Variants in TMEM165 observed in about 807,000 individuals in gnomAD.
The protein encoded by TMEM165 is transmembrane protein 165, also known as putative divalent cation/proton antiporter TMEM165.
TMEM165 carries 19 observed loss-of-function variants against 30.0 expected under a neutral mutation model. The ratio of observed to expected loss-of-function variants is 0.63; its 90% confidence interval spans 0.44 to 0.93. The LOEUF is 0.93. TMEM165 is among the 40% of genes least tolerant of loss of function. The pLI is 0.00. For missense variants in TMEM165, 340 were observed against 417.0 expected (o/e 0.82, Z 1.61); for synonymous variants, 168 against 162.9 (o/e 1.03, Z -0.24).
chr4:55,417,284 A>T (rs1170854705), intron 3 of TMEM165, 37 bp downstream of exon 3: 2 of 1,589,668 alleles, frequency 1.3e-6, no homozygotes, highest in Non-Finnish European at 1.7e-6. Context: ...CCAAAAAGGC[A>T]CTCAACTAGG....
In TMEM165 at chr4:55,426,152, T is replaced by TAA. The variant is rs1348293193; in HGVS notation, c.*702_*703dup. 2.0e-5 allele frequency: 3 copies of TAA among 152,180 alleles called. No individual in the cohort carries two copies. Among genetic ancestry groups the TAA allele is most frequent in the Non-Finnish European group, 4.4e-5 (3 of 68,018 alleles). The allele number at this position is 152,180 out of a possible 1,614,324, so 9.4% of individuals were successfully genotyped here. A position where few individuals can be genotyped will look rare whatever the true frequency, so the allele number is the denominator to read the frequency against. On this transcript the variant is annotated 3_prime_UTR_variant, in exon 6 of 6. Transcript: ENST00000381334. ...AAACAATGTAACATAGATAACAATA[T>TAA]AAATAAAAGTGGTATGACCAGTGCT...
At chr4:55,409,287 A>G (rs996489607) in intron 1 of TMEM165, among the ~76,000 whole-genome samples, 2 of 152,156 alleles carry the variant, frequency 1.3e-5, no homozygotes, top group Non-Finnish European at 2.9e-5. Context: ...TCTTTATGTT[A>G]TGTGTTAAGG....
At position 55,450,261 on chromosome 4, in the gene TMEM165, T is replaced by C. The variant is rs750308800; in HGVS notation, c.409-1978T>C. 2.5e-6 allele frequency: 4 copies of C among 1,613,534 alleles called. No individual in the cohort carries two copies. In the Admixed American group the frequency reaches 6.7e-5, roughly 27 times the overall value. On this transcript the variant is annotated intron_variant, in intron 3 of 3. Transcript: ENST00000608091. ...TGGAGACAGAGTAAAATAAATGTTT[T>C]CTTGTGGTTCAGTTCAGAGATCTCA...
intron 1 of TMEM165, among the ~76,000 whole-genome samples, chr4:55,408,707 T>C (rs185197960): frequency 1.1e-4 from 16 of 152,328 alleles, no homozygotes; most frequent in Non-Finnish European, 1.8e-4. Context: ...TGGCTGGGAA[T>C]TATAAAACCA....
At chr4:55,421,209 A>C (rs1306980184) in intron 4 of TMEM165, among the ~76,000 whole-genome samples, 1 of 150,472 alleles carries the variant, frequency 6.6e-6, no homozygotes, top group Non-Finnish European at 1.5e-5. Flanking sequence ...TATACAAATA[A>C]AGACTGGAAA....
intron 1 of TMEM165, among the ~76,000 whole-genome samples, chr4:55,402,252 AAT>A (rs1206938483): frequency 1.8e-5 from 2 of 114,170 alleles, no homozygotes; most frequent in Non-Finnish European, 3.6e-5. Context: ...TATAAATTCT[AAT>A]ATAAATTAAC....
At chr4:55,428,572 AT>A (rs1722330395), downstream of TMEM165, 1 of 152,194 alleles carries the variant, frequency 6.6e-6, no homozygotes, top group Non-Finnish European at 1.5e-5. Flanking sequence ...GGGTATTCTT[AT>A]CTCAAGATCA....
chr4:55,396,217 C>A lies in TMEM165; in HGVS notation c.28C>A (p.Arg10Ser), dbSNP rs777311596. The A allele has an allele frequency of 2.1e-5, 31 of 1,455,036 alleles. No homozygotes were observed. Among genetic ancestry groups the A allele is most frequent in the Non-Finnish European group, 2.6e-5 (29 of 1,107,484 alleles). The allele number at this position is 1,455,036 out of a possible 1,614,324, so 90.1% of individuals were successfully genotyped here. Residue 10 changes from arginine (R) to serine (S), a missense_variant, in exon 1 of 6, where the codon CGC becomes AGC. Transcript: ENST00000381334. ...GGCGGCCGCGGCTCCAGGGAACGGCCGCGCATCGGCGCCCCGGCTGCTTCT... is the reference window on the plus strand; with the variant it reads ...GGCGGCCGCGGCTCCAGGGAACGGCAGCGCATCGGCGCCCCGGCTGCTTCT... MAAAAPGNG[R>S]ASAPRLLLLF...
At chr4:55,402,795 CTT>C (rs71194554) in intron 1 of TMEM165, among the ~76,000 whole-genome samples, 6 of 71,396 alleles carry the variant, frequency 8.4e-5, no homozygotes, top group Admixed American at 2.0e-4. Flanking sequence ...TTAAAAAAAG[CTT>C]TTTTTTTTTT....
chr4:55,444,526 G>T, intron 3 of TMEM165: 1 of 1,321,884 alleles, frequency 7.6e-7, no homozygotes, highest in East Asian at 2.3e-5. Context: ...GAACTGAATT[G>T]ATAAAACGTA....
chr4:55,418,562 C>CACT (rs968697965), intron 4 of TMEM165, among the ~76,000 whole-genome samples: 3 of 151,272 alleles, frequency 2.0e-5, no homozygotes, highest in African/African-American at 7.3e-5. Context: ...TCATGTGTTA[C>CACT]ACTAAAGAAA....
At chr4:55,445,053 A>T (rs982718982) in intron 3 of TMEM165, among the ~76,000 whole-genome samples, 1 of 136,430 alleles carries the variant, frequency 7.3e-6, no homozygotes, top group Non-Finnish European at 1.6e-5. Context: ...AAAGTGCTCA[A>T]CTCCTGGTTC....
chr4:55,433,834 T>TAA (rs1304846949), intron 3 of TMEM165: 6 of 152,222 alleles, frequency 3.9e-5, no homozygotes, highest in Non-Finnish European at 8.8e-5. Context: ...GCATGTGAGT[T>TAA]ACAATATTCT....
At chr4:55,441,031 CT>C (rs1445471630) in intron 3 of TMEM165, among the ~76,000 whole-genome samples, 2 of 152,196 alleles carry the variant, frequency 1.3e-5, no homozygotes, top group African/African-American at 4.8e-5. Context: ...CTAAAGACCT[CT>C]GAAGTATTCA....
chr4:55,450,745 G>C (rs1724363379), intron 3 of TMEM165, among the ~76,000 whole-genome samples: 1 of 149,800 alleles, frequency 6.7e-6, no homozygotes, highest in African/African-American at 2.4e-5. Flanking sequence ...TTCCAGCCTG[G>C]GCAAAAGAGC....
intron 4 of TMEM165, among the ~76,000 whole-genome samples, chr4:55,422,488 C>T (rs1722022109): frequency 6.6e-6 from 1 of 152,086 alleles, no homozygotes; most frequent in African/African-American, 2.4e-5. Context: ...AAACTCCCAA[C>T]CTCAGGTGAT....
chr4:55,426,894 A>G (rs140982358), downstream of TMEM165, among the ~76,000 whole-genome samples: 80 of 152,336 alleles, frequency 5.3e-4, no homozygotes, highest in African/African-American at 1.8e-3. Flanking sequence ...AAAAAAGGTC[A>G]TATTTGTAGT....
intron 5 of TMEM165, 123 bp downstream of exon 5, chr4:55,424,766 T>C: frequency 1.5e-6 from 1 of 648,444 alleles, no homozygotes; most frequent in Non-Finnish European, 2.6e-6. Context: ...TTACCTACCA[T>C]CTCTTATAGA....
chr4:55,428,971 ATCT>A (rs1044278601), downstream of TMEM165: 11 of 120,552 alleles, frequency 9.1e-5, no homozygotes, highest in African/African-American at 2.8e-4. Context: ...TGGCTGACAC[ATCT>A]TTTTTTTTTT....
Sources: gnomAD v4.1 joint callset for allele counts (sites outside exome capture counted in the v4.1 genomes callset) on GRCh38, gnomAD v4.1.1 for gene constraint, MANE v1.5 for transcripts, NCBI Gene and HGNC (gene_info 2026-07-23, HGNC 2026-07-21) for gene names.